Variants in LSAMP observed in about 807,000 individuals in gnomAD.
The protein encoded by LSAMP is limbic system-associated membrane protein.
In LSAMP, 7 loss-of-function variants were observed where a neutral mutation model predicts 38.6. The ratio of observed to expected loss-of-function variants is 0.18; its 90% CI spans 0.10 to 0.34. The LOEUF is 0.34. Ranked by LOEUF, LSAMP falls within the 10% of genes least tolerant of loss-of-function variation. The pLI is 1.00. For synonymous variants in LSAMP, 154 were observed against 166.8 expected (o/e 0.92, Z 0.59); for missense variants, 313 against 420.0 (o/e 0.75, Z 2.23).
intron 3 of LSAMP, among the ~76,000 whole-genome samples, chr3:115,860,960 T>C (rs916452482): frequency 1.3e-5 from 2 of 152,164 alleles, no homozygotes; most frequent in Admixed American, 6.5e-5. Context: ...GAGGTACCAC[T>C]ACATCTCCTT....
At chr3:116,041,880 A>G (rs988877194) in intron 2 of LSAMP, among the ~76,000 whole-genome samples, 2 of 151,596 alleles carry the variant, frequency 1.3e-5, no homozygotes, top group Non-Finnish European at 2.9e-5. Context: ...AGGTTTGAAA[A>G]CTTCATAAAT....
At chr3:115,834,635 A>G (rs1024896103) in intron 6 of LSAMP, 1 of 1,083,896 alleles carries the variant, frequency 9.2e-7, no homozygotes, top group South Asian at 1.6e-5. Flanking sequence ...TGGAGATTTT[A>G]AATATTATAT....
At chr3:116,096,183 A>G (rs779694150) in intron 1 of LSAMP, among the ~76,000 whole-genome samples, 4 of 152,248 alleles carry the variant, frequency 2.6e-5, no homozygotes, top group Non-Finnish European at 5.9e-5. Context: ...CTTCTGCAAC[A>G]CAGGAGTAGT....
In LSAMP at chr3:116,419,243, A is replaced by G. The variant is rs999691581; in HGVS notation, c.155+25634T>C. Among the ~76,000 whole-genome samples the G allele has an allele frequency of 2.6e-5, 4 of 152,188 alleles. No homozygotes were observed. In the East Asian group the frequency reaches 7.7e-4, roughly 29 times the overall value. On this transcript the variant is annotated intron_variant, in intron 1 of 6. Transcript: ENST00000490035. ...CTATCCCCTACCATATCACTACACA[A>G]TTAATCTCATCCTCCTTAAAGAAGT...
chr3:116,267,289 A>G (rs186441972), intron 1 of LSAMP, among the ~76,000 whole-genome samples: 45 of 152,280 alleles, frequency 3.0e-4, no homozygotes, highest in Admixed American at 2.7e-3. Flanking sequence ...CTGTGAAAAA[A>G]GAAGCTGATG....
chr3:116,023,043 TGTTTATGTCATGTTCTGTG>T (rs1164542790), intron 2 of LSAMP, among the ~76,000 whole-genome samples: 43 of 152,288 alleles, frequency 2.8e-4, no homozygotes, highest in South Asian at 1.5e-3. Flanking sequence ...CATGTTCTGT[TGTTTATGTCATGTTCTGTG>T]GTTTATGTCA....
intron 1 of LSAMP, among the ~76,000 whole-genome samples, chr3:116,334,923 A>AT (rs2047899644): frequency 6.6e-6 from 1 of 152,088 alleles, no homozygotes; most frequent in Non-Finnish European, 1.5e-5. Context: ...ATGAATCCAT[A>AT]TTGGAAAGGA....
intron 1 of LSAMP, among the ~76,000 whole-genome samples, chr3:116,196,574 A>C (rs184031738): frequency 2.0e-5 from 3 of 152,302 alleles, no homozygotes; most frequent in Non-Finnish European, 1.5e-5. Context: ...TATTTGAGCT[A>C]TTCATTGCCA....
intron 1 of LSAMP, among the ~76,000 whole-genome samples, chr3:116,167,517 T>C (rs1025521423): frequency 3.9e-5 from 6 of 152,084 alleles, no homozygotes; most frequent in Admixed American, 1.3e-4. Context: ...TTCTATCTGA[T>C]CTATATACAT....
intron 3 of LSAMP, among the ~76,000 whole-genome samples, chr3:115,962,692 T>C (rs543619890): frequency 1.9e-4 from 29 of 152,286 alleles, no homozygotes; most frequent in Admixed American, 1.6e-3. Context: ...CCTTGGAAAA[T>C]TGTGCCAAAG....
At chr3:116,278,156 G>A (rs1452887585) in intron 1 of LSAMP, among the ~76,000 whole-genome samples, 3 of 152,148 alleles carry the variant, frequency 2.0e-5, no homozygotes, top group Non-Finnish European at 2.9e-5. Context: ...ACCCTTCTGT[G>A]TGCTGATTAT....
chr3:116,147,012 A>C (rs1709506219), intron 1 of LSAMP, among the ~76,000 whole-genome samples: 1 of 151,888 alleles, frequency 6.6e-6, no homozygotes, highest in Non-Finnish European at 1.5e-5. Flanking sequence ...TTTCATGGTT[A>C]AGAAGGGTCA....
chr3:115,864,834 A>C (rs186102863), intron 3 of LSAMP, among the ~76,000 whole-genome samples: 2 of 152,356 alleles, frequency 1.3e-5, no homozygotes, highest in Non-Finnish European at 2.9e-5. Flanking sequence ...ACAAACGGTC[A>C]GGCTGTGCAG....
intron 1 of LSAMP, among the ~76,000 whole-genome samples, chr3:116,256,969 G>T (rs2107654338): frequency 6.6e-6 from 1 of 152,294 alleles, no homozygotes; most frequent in South Asian, 2.1e-4. Flanking sequence ...TTTCACATCT[G>T]GGGCTGCTAT....
At chr3:115,960,197 C>T (rs534261633) in intron 3 of LSAMP, among the ~76,000 whole-genome samples, 6 of 152,210 alleles carry the variant, frequency 3.9e-5, no homozygotes, top group African/African-American at 1.2e-4. Flanking sequence ...AGGGTGAGCC[C>T]TAATCCAATA....
rs1345093148 is a variant in LSAMP at position 115,804,836 on chromosome 3, C to T, written c.*5481G>A. 1 of 152,118 alleles carries T rather than the reference C, an allele frequency of 6.6e-6. No individual in the cohort carries two copies. The highest frequency in any genetic ancestry group is 1.5e-5 in the Non-Finnish European group (1 of 68,008). 9.4% of individuals were successfully genotyped at this position (152,118 alleles called of 1,614,324 possible). A position where few individuals can be genotyped will look rare whatever the true frequency, so the allele number is the denominator to read the frequency against. Reference sequence around the variant, plus strand: ...AACTCCCAATTAAAAATGATTCAGTCCCTCACTTGCAATATTCAGGATAAA... The same window carrying T: ...AACTCCCAATTAAAAATGATTCAGTTCCTCACTTGCAATATTCAGGATAAA... On this transcript the variant is annotated 3_prime_UTR_variant, in exon 7 of 7. Coordinates refer to ENST00000490035, the MANE Select transcript of LSAMP (RefSeq NM_002338.5).
At chr3:116,272,372 T>TAA (rs2046985922) in intron 1 of LSAMP, among the ~76,000 whole-genome samples, 1 of 152,142 alleles carries the variant, frequency 6.6e-6, no homozygotes, top group Non-Finnish European at 1.5e-5. Context: ...CTGGGCAAGA[T>TAA]AAGTTTCATT....
At chr3:115,981,422 T>C (rs962295816) in intron 3 of LSAMP, among the ~76,000 whole-genome samples, 1 of 152,014 alleles carries the variant, frequency 6.6e-6, no homozygotes, top group African/African-American at 2.4e-5. Context: ...CAGTATGATC[T>C]TTAAAAAAAA....
intron 1 of LSAMP, among the ~76,000 whole-genome samples, chr3:116,185,832 G>A (rs1305329688): frequency 6.6e-6 from 1 of 150,988 alleles, no homozygotes; most frequent in Non-Finnish European, 1.5e-5. Flanking sequence ...CACACCCAGT[G>A]CTATTACTTA....
Sources: gnomAD v4.1 joint callset for allele counts (sites outside exome capture counted in the v4.1 genomes callset) on GRCh38, gnomAD v4.1.1 for gene constraint, MANE v1.5 for transcripts, NCBI Gene and HGNC (gene_info 2026-07-23, HGNC 2026-07-21) for gene names.